Variants in SH3KBP1 observed in about 807,000 individuals in gnomAD.
SH3KBP1 encodes SH3 domain-containing kinase-binding protein 1.
SH3KBP1 carries 8 observed loss-of-function variants against 50.1 expected under a neutral mutation model. The observed-to-expected ratio is 0.16, with a 90% confidence interval of 0.09 to 0.29. SH3KBP1 has a LOEUF of 0.29. SH3KBP1 is among the 10% of genes least tolerant of loss of function. The pLI is 1.00. For missense variants in SH3KBP1, 377 were observed against 535.2 expected, an observed-to-expected ratio of 0.70 and a Z score of 2.92; for synonymous variants, 227 against 218.6, an observed-to-expected ratio of 1.04 and a Z score of -0.34.
intron 5 of SH3KBP1, among the ~76,000 whole-genome samples, chrX:19,694,445 G>T (rs2063364688): frequency 9.0e-6 from 1 of 110,912 alleles, no homozygotes; most frequent in Non-Finnish European, 1.9e-5. Flanking sequence ...GAAGGCAACA[G>T]GAGCTCCAAG....
intron 4 of SH3KBP1, among the ~76,000 whole-genome samples, chrX:19,699,415 C>T (rs907203738): frequency 1.1e-4 from 12 of 112,595 alleles, no homozygotes; most frequent in Non-Finnish European, 2.1e-4. Flanking sequence ...CTTCTGCAGG[C>T]CTTGGCTCTA....
intron 2 of SH3KBP1, among the ~76,000 whole-genome samples, chrX:19,788,288 A>AAC (rs202246768): frequency 0.019 from 2,051 of 105,633 alleles, 72 homozygotes; most frequent in African/African-American, 0.067. Flanking sequence ...AAAAAAAACA[A>AAC]AAAAAAAAAA....
At chrX:19,860,280 TAA>T (rs35933756) in intron 1 of SH3KBP1, among the ~76,000 whole-genome samples, 109 of 41,349 alleles carry the variant, frequency 2.6e-3, no homozygotes, top group African/African-American at 7.7e-3. Context: ...ATCCCACCTC[TAA>T]AAAAAAAAAA....
intron 2 of SH3KBP1, among the ~76,000 whole-genome samples, chrX:19,783,816 C>T (rs761657370): frequency 3.6e-5 from 4 of 112,245 alleles, no homozygotes; most frequent in South Asian, 3.6e-4. Flanking sequence ...TAAGGGTGGA[C>T]GTTTTAGCCA....
Position 19,534,606 on chromosome X carries a change from G to A in SH3KBP1, c.*1811C>T, listed in dbSNP as rs1026853954. ...GTCAAGGGGTACAGGGATGTTTTAC[G>A]CTGCTCTTGGGAACCTGGCACTCCT... On this transcript the variant is annotated 3_prime_UTR_variant, in exon 18 of 18. Coordinates refer to ENST00000397821, the MANE Select transcript of SH3KBP1 (RefSeq NM_031892.3). 1.5e-5 allele frequency: 4 copies of A among 267,131 alleles called. No homozygotes were observed. The highest frequency in any genetic ancestry group is 2.8e-5 in the African/African-American group (1 of 35,684). The allele number at this position is 267,131 out of a possible 1,213,427, so 22.0% of individuals were successfully genotyped here.
At chrX:19,683,136 T>C (rs1467873419) in intron 6 of SH3KBP1, among the ~76,000 whole-genome samples, 1 of 111,160 alleles carries the variant, frequency 9.0e-6, no homozygotes, top group Non-Finnish European at 1.9e-5. Flanking sequence ...TGCTCAGAAG[T>C]ATACCACAGT....
intron 4 of SH3KBP1, among the ~76,000 whole-genome samples, chrX:19,696,849 A>G (rs2063428058): frequency 8.9e-6 from 1 of 112,187 alleles, no homozygotes; most frequent in Non-Finnish European, 1.9e-5. Context: ...TCCAATTTAC[A>G]ATAGGTCGAC....
chrX:19,711,512 A>G (rs1045658431), intron 3 of SH3KBP1, among the ~76,000 whole-genome samples: 1 of 111,502 alleles, frequency 9.0e-6, no homozygotes, highest in Non-Finnish European at 1.9e-5. Context: ...ATAAACTAAT[A>G]ACAACAAATA....
chrX:19,872,831 TCTCA>T (rs2069095542), intron 1 of SH3KBP1, among the ~76,000 whole-genome samples: 1 of 101,766 alleles, frequency 9.8e-6, no homozygotes, highest in African/African-American at 4.1e-5. Context: ...TCTCTCTCTC[TCTCA>T]CACACACACA....
At chrX:19,557,891 A>C (rs2065541748) in intron 13 of SH3KBP1, among the ~76,000 whole-genome samples, 1 of 112,094 alleles carries the variant, frequency 8.9e-6, no homozygotes, top group Non-Finnish European at 1.9e-5. Context: ...TGAAAGAATG[A>C]TAAAAGGTGA....
chrX:19,588,569 G>A, intron 12 of SH3KBP1, 74 bp downstream of exon 12: 1 of 1,210,554 alleles, frequency 8.3e-7, no homozygotes. Context: ...CAAGGTCTGT[G>A]GCAGTCAGTT....
intron 1 of SH3KBP1, among the ~76,000 whole-genome samples, chrX:19,874,550 G>A (rs2069182777): frequency 9.8e-6 from 1 of 102,393 alleles, no homozygotes; most frequent in Non-Finnish European, 2.0e-5. Context: ...GTGGAGAAGG[G>A]GGCAGTGGAG....
At chrX:19,647,552 C>A (rs1000180650) in intron 6 of SH3KBP1, among the ~76,000 whole-genome samples, 2 of 111,927 alleles carry the variant, frequency 1.8e-5, no homozygotes, top group African/African-American at 3.3e-5. Context: ...ACACAGCACA[C>A]TGGCCTCTGC....
chrX:19,697,884 C>T (rs752285945), intron 4 of SH3KBP1, among the ~76,000 whole-genome samples: 9 of 111,974 alleles, frequency 8.0e-5, no homozygotes, highest in African/African-American at 2.3e-4. Flanking sequence ...TACAGACTTA[C>T]AGAGTGGCAA....
intron 6 of SH3KBP1, among the ~76,000 whole-genome samples, chrX:19,658,084 A>G (rs2062339687): frequency 8.9e-6 from 1 of 111,874 alleles, no homozygotes; most frequent in South Asian, 3.7e-4. Flanking sequence ...ATTTTACCAC[A>G]TATTCTTCTT....
chrX:19,858,084 C>T (rs773483793), intron 1 of SH3KBP1, among the ~76,000 whole-genome samples: 7 of 110,951 alleles, frequency 6.3e-5, no homozygotes, highest in Non-Finnish European at 1.3e-4. Flanking sequence ...GAAACTGAGA[C>T]AGGAGAATCA....
chrX:19,731,149 G>C (rs1013556465), intron 3 of SH3KBP1, among the ~76,000 whole-genome samples: 2 of 111,511 alleles, frequency 1.8e-5, no homozygotes, highest in Non-Finnish European at 3.8e-5. Flanking sequence ...ATGTTGCCCA[G>C]GCTGATCTCG....
intron 8 of SH3KBP1, among the ~76,000 whole-genome samples, chrX:19,610,208 A>C (rs2067370667): frequency 8.9e-6 from 1 of 112,135 alleles, no homozygotes; most frequent in African/African-American, 3.2e-5. Flanking sequence ...CTTTCTGGAA[A>C]AATGACATTG....
intron 3 of SH3KBP1, among the ~76,000 whole-genome samples, chrX:19,728,535 G>T (rs1034776796): frequency 3.6e-5 from 4 of 111,978 alleles, no homozygotes; most frequent in African/African-American, 1.3e-4. Flanking sequence ...AAATCACCAT[G>T]GGGCATTCTC....
Sources: allele counts gnomAD v4.1 joint callset (sites outside exome capture counted in the v4.1 genomes callset), GRCh38; gene constraint gnomAD v4.1.1; transcripts MANE v1.5; gene names NCBI Gene and HGNC (gene_info 2026-07-23, HGNC 2026-07-21).